The following FAM135B variants were observed in gnomAD, a reference collection of about 807,000 sequenced individuals.
The protein encoded by FAM135B is protein FAM135B.
In FAM135B, 43 loss-of-function variants were observed where a neutral mutation model predicts 127.7. The observed-to-expected ratio is 0.34, with a 90% confidence interval of 0.26 to 0.43. The LOEUF (loss-of-function observed/expected upper bound fraction) is 0.43. Among genes scored for constraint, FAM135B ranks in the 20% least tolerant of loss-of-function variants. FAM135B has a pLI of 1.00. For synonymous variants in FAM135B, 670 were observed against 665.1 expected (o/e 1.01, Z -0.11); for missense variants, 1,558 against 1,725.6 (o/e 0.90, Z 1.72).
intron 3 of FAM135B, among the ~76,000 whole-genome samples, chr8:138,287,147 T>C (rs959002981): frequency 2.6e-5 from 4 of 152,118 alleles, no homozygotes; most frequent in Non-Finnish European, 5.9e-5. Flanking sequence ...TTCTACATGA[T>C]ATACCCAAAA....
chr8:138,494,029 C>A (rs917736835), intron 1 of FAM135B, among the ~76,000 whole-genome samples: 2 of 99,070 alleles, frequency 2.0e-5, no homozygotes, highest in African/African-American at 1.1e-4. Context: ...CAGATGTTTT[C>A]AGCAAATGTT....
In FAM135B at chr8:138,496,733, C is replaced by A; in HGVS notation, c.-82G>T. 6.5e-6 allele frequency: 1 copy of A among 154,268 alleles called. No individual in the cohort carries two copies. Among genetic ancestry groups the A allele is most frequent in the South Asian group, 2.0e-4 (1 of 5,118 alleles). The allele number at this position is 154,268 out of a possible 1,614,324, so 9.6% of individuals were successfully genotyped here. ...GGGCCGCGCTCCTGGGTCCCTCTCTCTCCTCTTTCGCCGTCTCTGGCCGCC... is the reference window on the plus strand; with the variant it reads ...GGGCCGCGCTCCTGGGTCCCTCTCTATCCTCTTTCGCCGTCTCTGGCCGCC... On this transcript the variant is annotated 5_prime_UTR_variant, in exon 1 of 20. Transcript: ENST00000395297.
At chr8:138,135,452 A>G (rs1448649316) in intron 19 of FAM135B, among the ~76,000 whole-genome samples, 4 of 152,234 alleles carry the variant, frequency 2.6e-5, no homozygotes, top group African/African-American at 4.8e-5. Context: ...GATTAAAAAT[A>G]TACATAAAAA....
chr8:138,279,117 T>G (rs1563850497), intron 3 of FAM135B, among the ~76,000 whole-genome samples: 1 of 152,230 alleles, frequency 6.6e-6, no homozygotes, highest in Admixed American at 6.5e-5. Flanking sequence ...TGACATTCTT[T>G]TTTCCACTTT....
chr8:138,313,692 T>G (rs1050433360), intron 2 of FAM135B, among the ~76,000 whole-genome samples: 2 of 50,490 alleles, frequency 4.0e-5, no homozygotes, highest in East Asian at 3.0e-4. Context: ...TCATTAAAAC[T>G]AAACACTTTT....
intron 7 of FAM135B, among the ~76,000 whole-genome samples, chr8:138,217,161 C>T (rs1818610213): frequency 6.6e-6 from 1 of 152,162 alleles, no homozygotes; most frequent in African/African-American, 2.4e-5. Flanking sequence ...CGAATATGCC[C>T]ACTTAGGTCA....
At chr8:138,255,950 C>T (rs1365224003) in intron 5 of FAM135B, among the ~76,000 whole-genome samples, 1 of 152,154 alleles carries the variant, frequency 6.6e-6, no homozygotes, top group African/African-American at 2.4e-5. Context: ...CTACCATGCC[C>T]TGTTCCTACA....
At chr8:138,379,587 C>T (rs146275368) in intron 1 of FAM135B, among the ~76,000 whole-genome samples, 136 of 152,138 alleles carry the variant, frequency 8.9e-4, no homozygotes, top group African/African-American at 3.3e-3. Flanking sequence ...ACATAGGCAA[C>T]GTCCAGGGCC....
intron 7 of FAM135B, among the ~76,000 whole-genome samples, chr8:138,218,065 T>C (rs1563782691): frequency 2.0e-5 from 3 of 152,340 alleles, no homozygotes; most frequent in African/African-American, 4.8e-5. Context: ...TAGACTTTAA[T>C]GGGTGAAAAT....
At chr8:138,434,031 A>G (rs1835338265) in intron 1 of FAM135B, among the ~76,000 whole-genome samples, 3 of 152,240 alleles carry the variant, frequency 2.0e-5, no homozygotes, top group Admixed American at 2.0e-4. Context: ...AAATAAAAGC[A>G]GCATTGACAT....
intron 9 of FAM135B, among the ~76,000 whole-genome samples, chr8:138,193,464 A>G (rs1030782149): frequency 7.9e-5 from 12 of 152,338 alleles, no homozygotes; most frequent in Middle Eastern, 3.4e-3. Flanking sequence ...GCGTATTGAC[A>G]AATAGTCACG....
chr8:138,147,875 G>A (rs142950348), intron 14 of FAM135B, among the ~76,000 whole-genome samples: 9 of 152,244 alleles, frequency 5.9e-5, no homozygotes, highest in Middle Eastern at 3.4e-3. Context: ...TACATGAGAG[G>A]AACAGACTGG....
intron 2 of FAM135B, among the ~76,000 whole-genome samples, chr8:138,366,949 G>A (rs1402786716): frequency 6.6e-6 from 1 of 152,088 alleles, no homozygotes; most frequent in Non-Finnish European, 1.5e-5. Flanking sequence ...TGGAGGATGA[G>A]AGGCCACAAG....
At chr8:138,397,938 G>T (rs1257188877) in intron 1 of FAM135B, among the ~76,000 whole-genome samples, 1 of 152,132 alleles carries the variant, frequency 6.6e-6, no homozygotes, top group East Asian at 1.9e-4. Flanking sequence ...CCCTTCTCCT[G>T]ACACCACATC....
At chr8:138,244,237 T>C (rs978260754) in intron 6 of FAM135B, among the ~76,000 whole-genome samples, 2 of 150,200 alleles carry the variant, frequency 1.3e-5, no homozygotes, top group Non-Finnish European at 2.9e-5. Context: ...AACCAATAGA[T>C]GTAATACAAT....
At chr8:138,324,330 T>C (rs149424939) in intron 2 of FAM135B, among the ~76,000 whole-genome samples, 16 of 152,374 alleles carry the variant, frequency 1.1e-4, no homozygotes, top group East Asian at 1.9e-4. Flanking sequence ...ATAGCATTTA[T>C]TCTTCAATTT....
At chr8:138,195,667 C>T (rs7463715) in intron 8 of FAM135B, among the ~76,000 whole-genome samples, 49,712 of 152,054 alleles carry the variant, frequency 0.33, 9,186 homozygotes, top group East Asian at 0.41. Context: ...CAAACACACA[C>T]ACACACAGGT....
intron 18 of FAM135B, among the ~76,000 whole-genome samples, chr8:138,137,495 G>A (rs890514087): frequency 6.6e-6 from 1 of 152,108 alleles, no homozygotes. Context: ...ACTAAGCAGG[G>A]GCTTTGCGTT....
At chr8:138,168,480 T>A (rs1820144430) in intron 11 of FAM135B, among the ~76,000 whole-genome samples, 1 of 152,194 alleles carries the variant, frequency 6.6e-6, no homozygotes, top group Non-Finnish European at 1.5e-5. Flanking sequence ...TTTGGCATAT[T>A]TGAATTAAAA....
Sources: allele counts gnomAD v4.1 joint callset (sites outside exome capture counted in the v4.1 genomes callset), GRCh38; gene constraint gnomAD v4.1.1; transcripts MANE v1.5; gene names NCBI Gene and HGNC (gene_info 2026-07-23, HGNC 2026-07-21).